The following NAALADL2 variants were observed in gnomAD, a reference collection of about 807,000 sequenced individuals.
NAALADL2 encodes the protein N-acetylated alpha-linked acidic dipeptidase like 2.
Under a neutral mutation model 87.2 loss-of-function variants are expected in NAALADL2, and 76 were observed. The observed-to-expected ratio is 0.87, with a 90% CI of 0.72 to 1.05. NAALADL2 has a LOEUF of 1.05. Ranked by LOEUF, NAALADL2 falls within the 50% of genes least tolerant of loss-of-function variation. The probability of loss-of-function intolerance (pLI) is 0.00; values close to 1 mark genes in which losing one functional copy is unlikely to be tolerated. For missense variants in NAALADL2, 1,089 were observed against 945.8 expected, an observed-to-expected ratio of 1.15 and a Z score of -1.99; for synonymous variants, 354 against 331.0, an observed-to-expected ratio of 1.07 and a Z score of -0.75.
intron 4 of NAALADL2, among the ~76,000 whole-genome samples, chr3:175,314,103 G>C (rs958500762): frequency 5.4e-5 from 8 of 147,174 alleles, no homozygotes; most frequent in African/African-American, 2.0e-4. Context: ...AAAGTGAAAA[G>C]TGTCCTTTCT....
intron 2 of NAALADL2, among the ~76,000 whole-genome samples, chr3:174,691,585 A>T (rs1292569742): frequency 6.6e-6 from 1 of 152,096 alleles, no homozygotes; most frequent in Non-Finnish European, 1.5e-5. Flanking sequence ...TGACTGTGGC[A>T]ATTTCTTAAA....
At chr3:174,922,380 C>T (rs1379686799) in intron 1 of NAALADL2, among the ~76,000 whole-genome samples, 1 of 151,160 alleles carries the variant, frequency 6.6e-6, no homozygotes, top group Non-Finnish European at 1.5e-5. Context: ...TTTAGACTTG[C>T]TTAAAAGTTG....
chr3:175,216,668 C>CTTTTTTTTTTTTTTTTT (rs3067029), intron 2 of NAALADL2, among the ~76,000 whole-genome samples: 11 of 87,338 alleles, frequency 1.3e-4, no homozygotes, highest in African/African-American at 1.5e-4. Context: ...TTTTTCTTTT[C>CTTTTTTTTTTTTTTTTT]TTTTTTTTTT....
intron 4 of NAALADL2, among the ~76,000 whole-genome samples, chr3:175,276,601 C>A (rs1344695132): frequency 6.6e-6 from 1 of 152,120 alleles, no homozygotes; most frequent in South Asian, 2.1e-4. Flanking sequence ...CCACACCCAG[C>A]CTGCAAATGT....
chr3:174,779,362 T>C (rs1311573049), intron 3 of NAALADL2, among the ~76,000 whole-genome samples: 1 of 152,180 alleles, frequency 6.6e-6, no homozygotes, highest in Non-Finnish European at 1.5e-5. Context: ...TCTTTGTAGA[T>C]TCTGGACATA....
intron 5 of NAALADL2, among the ~76,000 whole-genome samples, chr3:175,337,450 T>A (rs1179375528): frequency 6.6e-6 from 1 of 152,124 alleles, no homozygotes; most frequent in Non-Finnish European, 1.5e-5. Context: ...AATGAAGGCA[T>A]TGGGGCATTT....
chr3:175,099,621 ATTAC>A (rs1721771444), intron 2 of NAALADL2, among the ~76,000 whole-genome samples: 1 of 152,136 alleles, frequency 6.6e-6, no homozygotes, highest in South Asian at 2.1e-4. Context: ...GATCCCTGCT[ATTAC>A]TTTCCATGAA....
intron 2 of NAALADL2, among the ~76,000 whole-genome samples, chr3:174,724,144 T>C (rs1179207481): frequency 1.3e-5 from 2 of 152,186 alleles, no homozygotes; most frequent in Non-Finnish European, 2.9e-5. Flanking sequence ...TATTATTACA[T>C]AGTAAACTAA....
At chr3:174,660,000 A>G (rs1725360314) in intron 2 of NAALADL2, among the ~76,000 whole-genome samples, 1 of 152,170 alleles carries the variant, frequency 6.6e-6, no homozygotes, top group African/African-American at 2.4e-5. Context: ...AAAATTTTGA[A>G]ATGAATGTAA....
Position 174,445,012 on chromosome 3 carries a change from T to TG in NAALADL2, c.-184+3980_-184+3981insG, listed in dbSNP as rs112156110. Among the ~76,000 whole-genome samples the TG allele has an allele frequency of 8.9e-3, 1,164 of 130,752 alleles. 13 individuals are homozygous for TG. The highest frequency in any genetic ancestry group is 0.045 in the East Asian group (218 of 4,890). 85.8% of individuals were successfully genotyped at this position (130,752 alleles called of 152,430 possible). On this transcript the variant is annotated intron_variant, in intron 1 of 3. Coordinates refer to the NAALADL2 transcript ENST00000434257. ...GTTGGAAATGGAACCTTGTTTGAGA[T>TG]TTTTTTTTTTTTTTCAGTTATTTAG...
chr3:174,696,211 ATTAC>A (rs1205860703), intron 2 of NAALADL2, among the ~76,000 whole-genome samples: 1 of 152,026 alleles, frequency 6.6e-6, no homozygotes, highest in African/African-American at 2.4e-5. Context: ...ATCTCTTCTT[ATTAC>A]TTATAAATTA....
intron 3 of NAALADL2, among the ~76,000 whole-genome samples, chr3:174,830,492 A>T (rs1722549802): frequency 6.6e-6 from 1 of 151,866 alleles, no homozygotes; most frequent in Non-Finnish European, 1.5e-5. Flanking sequence ...TGGTACCAGT[A>T]CCATGCTGTT....
chr3:174,620,894 T>C (rs1166232572), intron 2 of NAALADL2, among the ~76,000 whole-genome samples: 1 of 152,102 alleles, frequency 6.6e-6, no homozygotes, highest in Non-Finnish European at 1.5e-5. Flanking sequence ...AATTACATGA[T>C]TTGGCTTATG....
chr3:175,087,335 G>A (rs1367859386), intron 1 of NAALADL2, among the ~76,000 whole-genome samples: 4 of 152,148 alleles, frequency 2.6e-5, no homozygotes, highest in Non-Finnish European at 4.4e-5. Flanking sequence ...GAGGTTGGGG[G>A]CGCCTCTGCA....
At chr3:175,113,874 G>A (rs917100198) in intron 2 of NAALADL2, among the ~76,000 whole-genome samples, 10 of 151,504 alleles carry the variant, frequency 6.6e-5, no homozygotes, top group Admixed American at 5.9e-4. Flanking sequence ...CGCTGTCTCT[G>A]TTTTTCAAGG....
intron 2 of NAALADL2, among the ~76,000 whole-genome samples, chr3:175,172,466 G>A (rs1734987069): frequency 6.6e-6 from 1 of 152,110 alleles, no homozygotes; most frequent in Non-Finnish European, 1.5e-5. Context: ...TGATAACCCT[G>A]TAGTTCTTCA....
At chr3:174,651,067 C>T (rs976696982) in intron 2 of NAALADL2, among the ~76,000 whole-genome samples, 1 of 152,016 alleles carries the variant, frequency 6.6e-6, no homozygotes, top group Non-Finnish European at 1.5e-5. Context: ...CATGTAAGTT[C>T]TGCTAATATC....
At chr3:174,781,411 T>G (rs1715970411) in intron 3 of NAALADL2, among the ~76,000 whole-genome samples, 1 of 151,540 alleles carries the variant, frequency 6.6e-6, no homozygotes, top group South Asian at 2.1e-4. Flanking sequence ...CACTTTCAGG[T>G]ACACCATTCA....
At chr3:175,290,588 G>A (rs1255907791) in intron 4 of NAALADL2, among the ~76,000 whole-genome samples, 1 of 152,136 alleles carries the variant, frequency 6.6e-6, no homozygotes, top group Non-Finnish European at 1.5e-5. Context: ...GAAACTAGTG[G>A]ATTTTATAAT....
Sources: gnomAD v4.1 joint callset for allele counts (sites outside exome capture counted in the v4.1 genomes callset) on GRCh38, gnomAD v4.1.1 for gene constraint, MANE v1.5 for transcripts, NCBI Gene and HGNC (gene_info 2026-07-23, HGNC 2026-07-21) for gene names.